SORCS1: variants seen among roughly 807,000 people sequenced by gnomAD.
SORCS1 encodes the protein VPS10 domain-containing receptor SorCS1.
SORCS1 carries 60 observed loss-of-function variants against 146.1 expected under a neutral mutation model. The ratio of observed to expected loss-of-function variants is 0.41; its 90% confidence interval spans 0.33 to 0.51. The LOEUF (loss-of-function observed/expected upper bound fraction) is 0.51, where lower values mean the gene tolerates loss of function less well. Among genes scored for constraint, SORCS1 ranks in the 20% least tolerant of loss-of-function variants. The pLI is 0.21. For missense variants in SORCS1, 1,352 were observed against 1,487.6 expected, an observed-to-expected ratio of 0.91 and a Z score of 1.50; for synonymous variants, 637 against 584.0, an observed-to-expected ratio of 1.09 and a Z score of -1.31.
At chr10:106,699,124 T>C (rs1051509353) in intron 9 of SORCS1, 90 bp downstream of exon 9, 12 of 1,225,822 alleles carry the variant, frequency 9.8e-6, no homozygotes, top group Non-Finnish European at 1.4e-5. Context: ...GGAACTGTAT[T>C]AAAATGACCA....
rs566736995 is a variant in SORCS1 at position 106,733,038 on chromosome 10, G to A, written c.960-2924C>T. Among the ~76,000 whole-genome samples, 129 of 151,486 alleles carry A rather than the reference G, an allele frequency of 8.5e-4. 1 individual carries two copies. Among genetic ancestry groups the A allele is most frequent in the African/African-American group, 3.0e-3 (123 of 41,216 alleles). ...CAGGAAAATCCCTTGAACCTGGGAG[G>A]TGGAGGTTGCAGTGAGCCAAGATCA... On this transcript the variant is annotated intron_variant, in intron 5 of 25. Coordinates refer to ENST00000263054, the MANE Select transcript of SORCS1 (RefSeq NM_052918.5).
intron 2 of SORCS1, among the ~76,000 whole-genome samples, chr10:106,914,178 T>C (rs1952300119): frequency 6.6e-6 from 1 of 152,220 alleles, no homozygotes; most frequent in Non-Finnish European, 1.5e-5. Flanking sequence ...ATTTACAACA[T>C]TTGCTGAAGG....
At chr10:106,652,102 A>G (rs917990303) in intron 18 of SORCS1, among the ~76,000 whole-genome samples, 1 of 152,238 alleles carries the variant, frequency 6.6e-6, no homozygotes, top group African/African-American at 2.4e-5. Context: ...GATTTTGCTA[A>G]AAGTGCCAAT....
In SORCS1 at chr10:106,819,283, C is replaced by A. The variant is rs573103968; in HGVS notation, c.726+10291G>T. Among the ~76,000 whole-genome samples the A allele has an allele frequency of 2.0e-5, 3 of 152,210 alleles. No individual in the cohort carries two copies. The East Asian group carries it at 5.8e-4, about 29-fold the overall frequency. On this transcript the variant is annotated intron_variant, in intron 3 of 25. Coordinates refer to ENST00000263054, the MANE Select transcript of SORCS1 (RefSeq NM_052918.5). ...AACTGTGTCATGCAGGGGTTTACAA[C>A]AAATAAACCAACAAATAAAATGTTG... is the stretch of plus-strand genomic sequence containing the variant.
At chr10:106,698,062 G>A (rs948187250) in intron 9 of SORCS1, among the ~76,000 whole-genome samples, 8 of 152,156 alleles carry the variant, frequency 5.3e-5, no homozygotes, top group Admixed American at 1.3e-4. Flanking sequence ...ATGCTAGTCT[G>A]CCATAATTTC....
intron 1 of SORCS1, among the ~76,000 whole-genome samples, chr10:106,999,448 G>A (rs1957127187): frequency 6.6e-6 from 1 of 152,336 alleles, no homozygotes; most frequent in Non-Finnish European, 1.5e-5. Context: ...AAGTGAAGAT[G>A]CATGGTTGCT....
At chr10:107,165,863 AC>A (rs1292077384), upstream of SORCS1, among the ~76,000 whole-genome samples, 1 of 152,174 alleles carries the variant, frequency 6.6e-6, no homozygotes, top group Non-Finnish European at 1.5e-5. The surrounding 1 kb of genome is among the most constrained non-coding windows in gnomAD (Gnocchi z 4.0). Context: ...ACATTAGATG[AC>A]CTTTAAAATC....
intron 2 of SORCS1, among the ~76,000 whole-genome samples, chr10:106,878,897 C>T (rs59149842): frequency 0.041 from 6,164 of 151,344 alleles, 331 homozygotes; most frequent in African/African-American, 0.12. Flanking sequence ...CCTGTAATCC[C>T]AGCACTTTGG....
intron 1 of SORCS1, among the ~76,000 whole-genome samples, chr10:107,134,595 C>T (rs10884419): frequency 0.082 from 12,511 of 152,006 alleles, 742 homozygotes; most frequent in East Asian, 0.33. Context: ...GCCGAGATCG[C>T]GCCACTGCAC....
At chr10:107,106,048 C>T (rs1157866017) in intron 1 of SORCS1, among the ~76,000 whole-genome samples, 1 of 152,124 alleles carries the variant, frequency 6.6e-6, no homozygotes, top group Admixed American at 6.5e-5. Flanking sequence ...TTTGGACTTC[C>T]GTGGACCTCC....
Position 106,972,658 on chromosome 10 carries a change from T to C in SORCS1, c.559-16078A>G, listed in dbSNP as rs56134726. On this transcript the variant is annotated intron_variant, in intron 1 of 25. Coordinates refer to ENST00000263054, the MANE Select transcript of SORCS1 (RefSeq NM_052918.5). ...CCGTAGACAAGAGTAAACAGACACC[T>C]GCTCTCATTACCCATCATAGCTGTG... Among the ~76,000 whole-genome samples, 43 of 152,156 alleles carry C rather than the reference T, an allele frequency of 2.8e-4. 1 individual carries two copies. The highest frequency in any genetic ancestry group is 5.0e-4 in the Non-Finnish European group (34 of 68,010).
At chr10:106,927,645 C>T (rs575676793) in intron 2 of SORCS1, among the ~76,000 whole-genome samples, 1 of 152,130 alleles carries the variant, frequency 6.6e-6, no homozygotes, top group African/African-American at 2.4e-5. Context: ...CTGATTGGTG[C>T]GTTTACAATC....
rs905054623 is a variant in SORCS1, at chr10:106,877,138, C to T, written c.627-47465G>A. 5.9e-5 allele frequency among the ~76,000 whole-genome samples: 9 copies of T among 152,286 alleles called. No individual in the cohort carries two copies. The East Asian group carries it at 1.2e-3, about 20-fold the overall frequency. ...AATGTCTGAAAATCTTTAGGGAGAA[C>T]TTTTCTTTTGCCACAGCTTGATTTT... On this transcript the variant is annotated intron_variant, in intron 2 of 25. Transcript: ENST00000263054.
At chr10:106,878,957 C>T (rs1950709214) in intron 2 of SORCS1, among the ~76,000 whole-genome samples, 1 of 151,400 alleles carries the variant, frequency 6.6e-6, no homozygotes, top group South Asian at 2.1e-4. Context: ...ACCATCCTGG[C>T]TAACACGGTG....
intron 4 of SORCS1, among the ~76,000 whole-genome samples, chr10:106,762,096 C>T (rs1421978420): frequency 6.6e-6 from 1 of 152,076 alleles, no homozygotes; most frequent in Non-Finnish European, 1.5e-5. Context: ...GAGAAATGCA[C>T]GAGGCAGCCA....
chr10:107,038,696 C>CGGGGG (rs58516423), intron 1 of SORCS1, among the ~76,000 whole-genome samples: 18 of 149,916 alleles, frequency 1.2e-4, no homozygotes, highest in South Asian at 4.2e-4. Flanking sequence ...GGGCAGGGGG[C>CGGGGG]GGGGGGGGAG....
intron 1 of SORCS1, among the ~76,000 whole-genome samples, chr10:107,080,999 A>G (rs953950539): frequency 1.3e-5 from 2 of 152,216 alleles, no homozygotes; most frequent in Admixed American, 1.3e-4. Context: ...CAACCATAAA[A>G]AAAAGATATC....
intron 18 of SORCS1, among the ~76,000 whole-genome samples, chr10:106,644,942 A>G (rs1435240769): frequency 6.6e-6 from 1 of 152,178 alleles, no homozygotes; most frequent in Non-Finnish European, 1.5e-5. Flanking sequence ...TCTTACATAC[A>G]TTCTGGTGCA....
chr10:106,617,763 C>T (rs1847470521), intron 21 of SORCS1, among the ~76,000 whole-genome samples: 1 of 151,438 alleles, frequency 6.6e-6, no homozygotes, highest in South Asian at 2.1e-4. Flanking sequence ...GGCAGATTTC[C>T]CTTATTAGTC....
Sources: gnomAD v4.1 joint callset for allele counts (sites outside exome capture counted in the v4.1 genomes callset) on GRCh38, gnomAD v4.1.1 for gene constraint, Gnocchi (gnomAD v3.1) non-coding constraint, MANE v1.5 for transcripts, NCBI Gene and HGNC (gene_info 2026-07-23, HGNC 2026-07-21) for gene names.